Variants in ABL2 observed in about 807,000 individuals in gnomAD.
ABL2 encodes ABL proto-oncogene 2, non-receptor tyrosine kinase, also known as tyrosine-protein kinase ABL2.
In ABL2, 49 loss-of-function variants were observed where a neutral mutation model predicts 107.7. The observed-to-expected ratio is 0.45, with a 90% CI of 0.36 to 0.58. ABL2 has a LOEUF of 0.58. Ranked by LOEUF, ABL2 falls within the 20% of genes least tolerant of loss-of-function variation. The probability of loss-of-function intolerance (pLI) is 0.00; values close to 1 mark genes in which losing one functional copy is unlikely to be tolerated. For synonymous variants in ABL2, 549 were observed against 548.6 expected (o/e 1.00, Z -0.01); for missense variants, 1,245 against 1,457.0 (o/e 0.85, Z 2.37).
At chr1:179,171,642 C>T (rs143424705) in intron 1 of ABL2, among the ~76,000 whole-genome samples, 4 of 152,308 alleles carry the variant, frequency 2.6e-5, no homozygotes, top group African/African-American at 9.6e-5. Flanking sequence ...CCCGCCCCAG[C>T]CTCCCAAGTA....
chr1:179,150,287 G>T (rs1201630578), intron 1 of ABL2, among the ~76,000 whole-genome samples: 5 of 152,110 alleles, frequency 3.3e-5, no homozygotes, highest in Non-Finnish European at 5.9e-5. Context: ...GTTCTCTGAT[G>T]GATCTGTTAA....
At chr1:179,197,867 CAA>C (rs71804838) in intron 1 of ABL2, among the ~76,000 whole-genome samples, 28 of 137,206 alleles carry the variant, frequency 2.0e-4, no homozygotes, top group Middle Eastern at 3.7e-3. Flanking sequence ...GAAACTGTCT[CAA>C]AAAAAAAAAA....
intron 1 of ABL2, among the ~76,000 whole-genome samples, chr1:179,145,895 A>AC (rs1553224127): frequency 4.2e-5 from 6 of 142,296 alleles, no homozygotes; most frequent in Non-Finnish European, 6.1e-5. Flanking sequence ...TCTGATCTCC[A>AC]TTTTTTTTTT....
At chr1:179,215,174 T>C (rs72709487) in intron 1 of ABL2, among the ~76,000 whole-genome samples, 3,306 of 148,316 alleles carry the variant, frequency 0.022, 63 homozygotes, top group Middle Eastern at 0.057. Flanking sequence ...AAAAAAAAAA[T>C]TGGGGAGAAA....
rs917056154 is a variant in ABL2 at position 179,110,325 on chromosome 1, C to G, written c.1782G>C (p.Gly594=). 30 of 1,614,024 alleles carry G rather than the reference C, an allele frequency of 1.9e-5. No homozygotes were observed. Among genetic ancestry groups the G allele is most frequent in the Non-Finnish European group, 2.5e-5 (30 of 1,180,028 alleles). The change falls in exon 11 of 12, where the codon GGG becomes GGC. Residue 594 remains glycine (G), a synonymous_variant. Coordinates refer to ENST00000502732, the MANE Select transcript of ABL2 (RefSeq NM_007314.4). ...CAGAATTTTCTGTGGCATCTTGTGC[C>G]CCTTCAATGTTCTCCTTGTTCTCCA... ...KQVENKENIE[G]AQDATENSAS... is the part of the protein sequence containing the mutation.
At chr1:179,210,802 C>T (rs1050144826) in intron 1 of ABL2, among the ~76,000 whole-genome samples, 1 of 151,698 alleles carries the variant, frequency 6.6e-6, no homozygotes, top group South Asian at 2.1e-4. Flanking sequence ...TGCAGTAAGC[C>T]GAGATTGCAC....
intron 1 of ABL2, among the ~76,000 whole-genome samples, chr1:179,197,574 A>AT (rs1557991764): frequency 2.7e-5 from 4 of 150,550 alleles, no homozygotes; most frequent in African/African-American, 9.7e-5. Flanking sequence ...AAAAAAAAAA[A>AT]TTAAAAAAAA....
At chr1:179,120,815 A>G (rs1033507720) in intron 5 of ABL2, among the ~76,000 whole-genome samples, 1 of 152,150 alleles carries the variant, frequency 6.6e-6, no homozygotes, top group Non-Finnish European at 1.5e-5. Flanking sequence ...GTGTCCTATA[A>G]TCAACTGAAA....
chr1:179,206,461 T>C (rs1661972387), intron 1 of ABL2, among the ~76,000 whole-genome samples: 1 of 150,320 alleles, frequency 6.7e-6, no homozygotes. Context: ...ACAAAGTAAT[T>C]ATATAATTCA....
chr1:179,199,657 A>T (rs1661543667), intron 1 of ABL2, among the ~76,000 whole-genome samples: 1 of 152,150 alleles, frequency 6.6e-6, no homozygotes, highest in South Asian at 2.1e-4. Flanking sequence ...AAATGAAGAA[A>T]TAATTAAACA....
chr1:179,223,732 A>G (rs890457288), intron 1 of ABL2, among the ~76,000 whole-genome samples: 1 of 152,102 alleles, frequency 6.6e-6, no homozygotes, highest in African/African-American at 2.4e-5. Flanking sequence ...TTCTTATATT[A>G]AGTCACCACA....
At chr1:179,194,301 C>T (rs1283990824) in intron 1 of ABL2, among the ~76,000 whole-genome samples, 1 of 152,086 alleles carries the variant, frequency 6.6e-6, no homozygotes, top group Non-Finnish European at 1.5e-5. Context: ...AATCAATCAT[C>T]CTTAATAGTT....
rs999317828 is a variant in ABL2 at position 179,105,539 on chromosome 1, T to C, written c.*2179A>G. 6 of 229,392 alleles carry C rather than the reference T, an allele frequency of 2.6e-5. No homozygotes were observed. Among genetic ancestry groups the C allele is most frequent in the African/African-American group, 1.3e-4 (6 of 45,108 alleles). 14.2% of individuals were successfully genotyped at this position (229,392 alleles called of 1,614,324 possible). On this transcript the variant is annotated 3_prime_UTR_variant, in exon 12 of 12. Transcript: ENST00000502732. ...AGGTGGGAGAAGGACCGCTGGTTTT[T>C]ACATCTGAGTTCTCTTCCAACCACT...
chr1:179,108,479 T>C lies in ABL2; in HGVS notation c.2788A>G (p.Lys930Glu). Residue 930 changes from lysine to glutamate, a missense_variant, in exon 12 of 12, where the codon AAA becomes GAA. Around this residue, in one of 3 missense-constraint regions of ABL2, gnomAD observed 761 missense variants for 766.4 expected, o/e 0.99. Transcript: ENST00000502732. ...GTGGGTGAGATAAGGACTGGCACTT[T>C]GTGGTTGTGAGTGGTTGGGAGGACG... The part of the protein sequence containing the change: ...APVLPTTHNH[K>E]VPVLISPTLK... 6.2e-7 allele frequency: 1 copy of C among 1,614,202 alleles called. No homozygotes were observed. Among genetic ancestry groups the C allele is most frequent in the Non-Finnish European group, 8.5e-7 (1 of 1,180,036 alleles).
chr1:179,148,211 G>T (rs1168526942), intron 1 of ABL2, among the ~76,000 whole-genome samples: 1 of 151,672 alleles, frequency 6.6e-6, no homozygotes, highest in African/African-American at 2.4e-5. Flanking sequence ...GCTAATTTTT[G>T]TATTTTTTTG....
At chr1:179,215,075 G>A (rs904563452) in intron 1 of ABL2, among the ~76,000 whole-genome samples, 4 of 151,640 alleles carry the variant, frequency 2.6e-5, no homozygotes, top group East Asian at 1.9e-4. Flanking sequence ...CAGGAGAATC[G>A]CTTGAACCCA....
intron 1 of ABL2, among the ~76,000 whole-genome samples, chr1:179,223,109 CAAA>C (rs35137729): frequency 7.2e-5 from 5 of 69,272 alleles, no homozygotes; most frequent in African/African-American, 6.3e-5. Context: ...GGCTCCCTCT[CAAA>C]AAAAAAAAAA....
chr1:179,131,374 TA>T lies in ABL2; in HGVS notation c.327del (p.Asn110IlefsTer10). ...AAATCATAAAGTGCAACGAAGAGATTAGGGTCACTCTCAGTGGCTCCGAGCA... is the reference window on the plus strand; with the variant it reads ...AAATCATAAAGTGCAACGAAGAGATTGGGTCACTCTCAGTGGCTCCGAGCA... ...ENLLGATESDPNLFVALYDFV... is the reference protein window; with the variant it reads ...ENLLGATESDXNLFVALYDFV... On this transcript the variant is annotated frameshift_variant, in exon 3 of 12. Coordinates refer to ENST00000502732, the MANE Select transcript of ABL2 (RefSeq NM_007314.4). LOFTEE classifies it high-confidence loss of function. 6.2e-7 allele frequency: 1 copy of T among 1,614,156 alleles called. No individual in the cohort carries two copies. The highest frequency in any genetic ancestry group is 2.2e-5 in the East Asian group (1 of 44,886).
At chr1:179,155,255 T>A (rs28914499) in intron 1 of ABL2, among the ~76,000 whole-genome samples, 133 of 152,320 alleles carry the variant, frequency 8.7e-4, no homozygotes, top group African/African-American at 3.1e-3. Context: ...CATCTGCCTA[T>A]ACACGTGATG....
Sources: gnomAD v4.1 joint callset for allele counts (sites outside exome capture counted in the v4.1 genomes callset) on GRCh38, gnomAD v4.1.1 for gene constraint, gnomAD v4.1.1 regional missense constraint, MANE v1.5 for transcripts, NCBI Gene and HGNC (gene_info 2026-07-23, HGNC 2026-07-21) for gene names.